The following FHIT variants were observed in gnomAD, a reference collection of about 807,000 sequenced individuals.
FHIT encodes the protein bis(5'-adenosyl)-triphosphatase.
In FHIT, 19 loss-of-function variants were observed where a neutral mutation model predicts 17.9. The observed-to-expected ratio is 1.06, with a 90% confidence interval of 0.74 to 1.56. The LOEUF (loss-of-function observed/expected upper bound fraction) is 1.56. Ranked by LOEUF, FHIT falls within the 40% of genes most tolerant of loss-of-function variation. The pLI is 0.00. For synonymous variants in FHIT, 81 were observed against 69.7 expected, an observed-to-expected ratio of 1.16 and a Z score of -0.81; for missense variants, 248 against 189.2, an observed-to-expected ratio of 1.31 and a Z score of -1.82.
chr3:60,179,624 T>G (rs1701834608), intron 5 of FHIT, among the ~76,000 whole-genome samples: 1 of 152,080 alleles, frequency 6.6e-6, no homozygotes, highest in African/African-American at 2.4e-5. Flanking sequence ...GAAATTCAAC[T>G]ACCTAGCTAC....
chr3:60,052,268 G>A (rs1701910675), intron 5 of FHIT, among the ~76,000 whole-genome samples: 1 of 152,102 alleles, frequency 6.6e-6, no homozygotes. Flanking sequence ...AGCAGCAATA[G>A]AACGAGTGGC....
chr3:60,556,119 T>C lies in FHIT; in HGVS notation c.-17-19140A>G, dbSNP rs368897474. Among the ~76,000 whole-genome samples, 8 of 152,284 alleles carry C rather than the reference T, an allele frequency of 5.3e-5. No individual in the cohort carries two copies. The East Asian group carries it at 1.5e-3, about 29-fold the overall frequency. Reference sequence around the variant, plus strand: ...GTCATTTTCTTATAGCTACTTTTGATCTCCTCCTGACCTGGAATGAACAGT... The same window carrying C: ...GTCATTTTCTTATAGCTACTTTTGACCTCCTCCTGACCTGGAATGAACAGT... On this transcript the variant is annotated intron_variant, in intron 4 of 9. Coordinates refer to ENST00000492590, the MANE Select transcript of FHIT (RefSeq NM_002012.4).
At chr3:60,255,336 A>C (rs1002870168) in intron 5 of FHIT, among the ~76,000 whole-genome samples, 4 of 152,192 alleles carry the variant, frequency 2.6e-5, no homozygotes, top group African/African-American at 7.2e-5. Context: ...AACCACGCAG[A>C]AACAACTCCA....
intron 5 of FHIT, among the ~76,000 whole-genome samples, chr3:60,183,288 C>G (rs944020812): frequency 5.9e-5 from 9 of 152,064 alleles, no homozygotes; most frequent in Admixed American, 1.3e-4. Context: ...ATCCCAGCTA[C>G]TTGGGAGGCT....
intron 5 of FHIT, among the ~76,000 whole-genome samples, chr3:60,364,630 T>C (rs1700036421): frequency 6.6e-6 from 1 of 152,240 alleles, no homozygotes. Context: ...ACATGCTGGT[T>C]CATTCTATGT....
At chr3:60,743,101 C>A (rs1241023337) in intron 4 of FHIT, among the ~76,000 whole-genome samples, 1 of 152,148 alleles carries the variant, frequency 6.6e-6, no homozygotes, top group Non-Finnish European at 1.5e-5. Flanking sequence ...GGATTGCAAA[C>A]CCTGGCTTCG....
At chr3:60,937,839 G>A (rs1209478697) in intron 3 of FHIT, among the ~76,000 whole-genome samples, 1 of 152,098 alleles carries the variant, frequency 6.6e-6, no homozygotes, top group Non-Finnish European at 1.5e-5. Context: ...TGGGATTACA[G>A]GGGTGAGCCA....
At chr3:61,248,241 C>T (rs2040532342) in intron 1 of FHIT, among the ~76,000 whole-genome samples, 1 of 151,970 alleles carries the variant, frequency 6.6e-6, no homozygotes, top group South Asian at 2.1e-4. Context: ...AGTACTTTTT[C>T]AGTGTCTACT....
At chr3:59,899,769 C>T (rs572376608) in intron 8 of FHIT, among the ~76,000 whole-genome samples, 1 of 152,202 alleles carries the variant, frequency 6.6e-6, no homozygotes, top group South Asian at 2.1e-4. Context: ...CTGCTTGAAC[C>T]CGGGAGGCGG....
intron 5 of FHIT, among the ~76,000 whole-genome samples, chr3:60,015,074 G>A (rs1700290767): frequency 1.3e-5 from 2 of 151,888 alleles, no homozygotes; most frequent in African/African-American, 4.9e-5. Flanking sequence ...ACTAACAAGA[G>A]AAACAAACTC....
intron 5 of FHIT, among the ~76,000 whole-genome samples, chr3:60,026,103 T>C (rs570405401): frequency 6.6e-6 from 1 of 152,258 alleles, no homozygotes; most frequent in African/African-American, 2.4e-5. Flanking sequence ...GGCTGGGGCA[T>C]TTTAAAAACA....
chr3:61,041,095 G>A (rs1322327995), intron 3 of FHIT, among the ~76,000 whole-genome samples: 1 of 152,022 alleles, frequency 6.6e-6, no homozygotes, highest in African/African-American at 2.4e-5. Flanking sequence ...AAATTTTCAA[G>A]ACTGGCTGGG....
chr3:60,267,695 T>C (rs1479782186), intron 5 of FHIT, among the ~76,000 whole-genome samples: 8 of 152,134 alleles, frequency 5.3e-5, no homozygotes, highest in African/African-American at 9.7e-5. Context: ...TTAGTAAATA[T>C]TTAAGCATTT....
At chr3:61,021,904 A>C (rs2032457463) in intron 3 of FHIT, among the ~76,000 whole-genome samples, 1 of 152,182 alleles carries the variant, frequency 6.6e-6, no homozygotes, top group South Asian at 2.1e-4. Flanking sequence ...GAAAGATCTA[A>C]AATCGACACC....
chr3:60,878,663 C>T lies in FHIT; in HGVS notation c.-110-56652G>A, dbSNP rs375961318. 1.4e-3 allele frequency among the ~76,000 whole-genome samples: 219 copies of T among 152,126 alleles called. No individual in the cohort carries two copies. In the East Asian group the frequency reaches 0.019, roughly 13 times the overall value. On this transcript the variant is annotated intron_variant, in intron 3 of 9. Coordinates refer to ENST00000492590, the MANE Select transcript of FHIT (RefSeq NM_002012.4). ...CCTGCCCCCACCCCACAACAGGCCC[C>T]GGTGTGTGATGTTCCCCTTCCTGTG...
intron 4 of FHIT, among the ~76,000 whole-genome samples, chr3:60,717,076 T>G (rs1368183404): frequency 1.3e-5 from 2 of 152,164 alleles, no homozygotes; most frequent in African/African-American, 4.8e-5. Flanking sequence ...CTCACTTATA[T>G]GTAGAATCTA....
intron 5 of FHIT, among the ~76,000 whole-genome samples, chr3:60,384,433 T>C (rs1327574012): frequency 2.0e-5 from 3 of 152,196 alleles, no homozygotes; most frequent in Non-Finnish European, 2.9e-5. Flanking sequence ...AATCCAGTTA[T>C]ACACTTTAAA....
At chr3:60,124,035 G>GAC (rs1559653854) in intron 5 of FHIT, among the ~76,000 whole-genome samples, 36 of 116,238 alleles carry the variant, frequency 3.1e-4, no homozygotes, top group East Asian at 1.9e-3. Flanking sequence ...GAGAGAGAGA[G>GAC]AGAGAGAGAG....
chr3:60,026,625 G>A (rs189138980), intron 5 of FHIT, among the ~76,000 whole-genome samples: 43 of 152,054 alleles, frequency 2.8e-4, no homozygotes, highest in African/African-American at 9.2e-4. Context: ...TCTAACTTAC[G>A]ACTTTTTCAA....
Sources: gnomAD v4.1 joint callset for allele counts (sites outside exome capture counted in the v4.1 genomes callset) on GRCh38, gnomAD v4.1.1 for gene constraint, MANE v1.5 for transcripts, NCBI Gene and HGNC (gene_info 2026-07-23, HGNC 2026-07-21) for gene names.